The following ERBB4 variants were observed in gnomAD, a reference collection of about 807,000 sequenced individuals.
ERBB4 encodes erb-b2 receptor tyrosine kinase 4.
A neutral mutation model predicts 158.0 loss-of-function variants in ERBB4; 42 were observed. That is an observed-to-expected ratio of 0.27 (90% CI 0.21 to 0.34). The LOEUF (loss-of-function observed/expected upper bound fraction) is 0.34, where lower values mean the gene tolerates loss of function less well. ERBB4 is among the 10% of genes least tolerant of loss of function. The probability of loss-of-function intolerance (pLI) is 1.00; values close to 1 mark genes in which losing one functional copy is unlikely to be tolerated. For missense variants in ERBB4, 1,333 were observed against 1,624.1 expected (o/e 0.82, Z 3.08); for synonymous variants, 583 against 558.7 (o/e 1.04, Z -0.61).
At chr2:211,864,439 C>T (rs2078152049) in intron 3 of ERBB4, among the ~76,000 whole-genome samples, 1 of 152,162 alleles carries the variant, frequency 6.6e-6, no homozygotes, top group Admixed American at 6.5e-5. Flanking sequence ...AGGCTGCATG[C>T]TTGCACAAAA....
rs535912856 is a variant in ERBB4 at position 212,353,392 on chromosome 2, A to T, written c.82+185057T>A. Among the ~76,000 whole-genome samples, 24 of 149,514 alleles carry T rather than the reference A, an allele frequency of 1.6e-4. No individual in the cohort carries two copies. In the East Asian group the frequency reaches 4.7e-3, roughly 29 times the overall value. Reference sequence around the variant, plus strand: ...ATTATACATATATGTGCTGTATATAATACATACAAATAAAATTTGTATAAA... The same window carrying T: ...ATTATACATATATGTGCTGTATATATTACATACAAATAAAATTTGTATAAA... On this transcript the variant is annotated intron_variant, in intron 1 of 27. Coordinates refer to ENST00000342788, the MANE Select transcript of ERBB4 (RefSeq NM_005235.3).
intron 20 of ERBB4, among the ~76,000 whole-genome samples, chr2:211,436,064 CT>C (rs1283506975): frequency 6.6e-6 from 1 of 152,078 alleles, no homozygotes; most frequent in Non-Finnish European, 1.5e-5. Flanking sequence ...TCAAGCAATC[CT>C]CCTGCCTCAG....
intron 3 of ERBB4, among the ~76,000 whole-genome samples, chr2:211,895,332 A>C (rs2079070423): frequency 1.3e-5 from 2 of 152,148 alleles, no homozygotes; most frequent in African/African-American, 4.8e-5. Flanking sequence ...ATCATGGCTC[A>C]CTTCAATCTC....
At chr2:212,053,755 C>T (rs967102364) in intron 2 of ERBB4, among the ~76,000 whole-genome samples, 1 of 152,140 alleles carries the variant, frequency 6.6e-6, no homozygotes, top group African/African-American at 2.4e-5. Flanking sequence ...CCGATCTGTT[C>T]CTTTACCTGG....
chr2:212,334,656 A>G (rs1255812522), intron 1 of ERBB4, among the ~76,000 whole-genome samples: 1 of 152,040 alleles, frequency 6.6e-6, no homozygotes, highest in Non-Finnish European at 1.5e-5. Context: ...GTATTATATC[A>G]GTCTCATTCA....
At chr2:211,748,648 G>A (rs1270908153) in intron 5 of ERBB4, among the ~76,000 whole-genome samples, 2 of 152,188 alleles carry the variant, frequency 1.3e-5, no homozygotes, top group Non-Finnish European at 2.9e-5. Flanking sequence ...GAGTGGCTCA[G>A]CCACAACAAG....
At chr2:211,627,072 C>G (rs2069887834) in intron 17 of ERBB4, among the ~76,000 whole-genome samples, 1 of 152,160 alleles carries the variant, frequency 6.6e-6, no homozygotes, top group East Asian at 1.9e-4. Context: ...CTTTTCACGG[C>G]AATGAGCCTT....
chr2:212,503,389 T>A (rs1560498638), intron 1 of ERBB4, among the ~76,000 whole-genome samples: 1 of 152,230 alleles, frequency 6.6e-6, no homozygotes, highest in Non-Finnish European at 1.5e-5. Context: ...AGTAATAATA[T>A]AGCCTCTTTT....
intron 1 of ERBB4, among the ~76,000 whole-genome samples, chr2:212,211,966 T>C (rs898117509): frequency 2.6e-5 from 4 of 152,162 alleles, no homozygotes; most frequent in African/African-American, 4.8e-5. Flanking sequence ...CTATCAGTGA[T>C]GGGCATTTGG....
intron 1 of ERBB4, among the ~76,000 whole-genome samples, chr2:212,309,291 A>T (rs11903837): frequency 6.6e-6 from 1 of 150,952 alleles, no homozygotes; most frequent in African/African-American, 2.4e-5. Flanking sequence ...TAAACCTGCA[A>T]GCACATAAAG....
chr2:212,086,144 A>T (rs2078601238), intron 2 of ERBB4, among the ~76,000 whole-genome samples: 2 of 151,952 alleles, frequency 1.3e-5, no homozygotes, highest in Non-Finnish European at 2.9e-5. Flanking sequence ...GGGAAAAGTT[A>T]GTTTTACTTT....
At chr2:211,838,734 T>C (rs2077397654) in intron 3 of ERBB4, among the ~76,000 whole-genome samples, 2 of 152,102 alleles carry the variant, frequency 1.3e-5, no homozygotes. Context: ...AAAAATATAT[T>C]TGAAATAGAC....
chr2:211,462,111 C>A (rs955392705), intron 20 of ERBB4, among the ~76,000 whole-genome samples: 2 of 151,994 alleles, frequency 1.3e-5, no homozygotes, highest in Admixed American at 1.3e-4. Flanking sequence ...ATGCTGGCAT[C>A]TGCTTGGCTT....
At chr2:212,041,496 T>A (rs962704135) in intron 2 of ERBB4, among the ~76,000 whole-genome samples, 1 of 152,000 alleles carries the variant, frequency 6.6e-6, no homozygotes, top group Non-Finnish European at 1.5e-5. Context: ...TCAGCCAGCT[T>A]AATTTTAAAG....
At chr2:211,587,787 C>T (rs765395284) in intron 19 of ERBB4, among the ~76,000 whole-genome samples, 8 of 152,150 alleles carry the variant, frequency 5.3e-5, no homozygotes, top group Non-Finnish European at 7.3e-5. Flanking sequence ...ATGAAACAAC[C>T]TCTATGAAAG....
chr2:211,716,230 C>T (rs555401472), intron 7 of ERBB4, among the ~76,000 whole-genome samples: 11 of 151,796 alleles, frequency 7.2e-5, no homozygotes, highest in Admixed American at 3.9e-4. Flanking sequence ...GGCATGGTGG[C>T]GCATGCCTGT....
chr2:212,264,758 G>A (rs1243174975), intron 1 of ERBB4, among the ~76,000 whole-genome samples: 2 of 152,010 alleles, frequency 1.3e-5, no homozygotes, highest in East Asian at 3.9e-4. Flanking sequence ...AATATTATGT[G>A]TAGAAAAGGT....
chr2:211,811,203 G>A (rs1023054931), intron 3 of ERBB4, among the ~76,000 whole-genome samples: 4 of 152,174 alleles, frequency 2.6e-5, no homozygotes, highest in African/African-American at 9.7e-5. Flanking sequence ...TTGTAAGACA[G>A]GCCTGGTGGT....
chr2:211,870,206 T>G (rs895322944), intron 3 of ERBB4, among the ~76,000 whole-genome samples: 17 of 152,184 alleles, frequency 1.1e-4, no homozygotes, highest in African/African-American at 3.6e-4. Context: ...TAGATTATTT[T>G]AATGCATGTC....
Sources: allele counts gnomAD v4.1 joint callset (sites outside exome capture counted in the v4.1 genomes callset), GRCh38; gene constraint gnomAD v4.1.1; transcripts MANE v1.5; gene names NCBI Gene and HGNC (gene_info 2026-07-23, HGNC 2026-07-21).